PPP6R2: variants seen among roughly 807,000 people sequenced by gnomAD.
PPP6R2 encodes serine/threonine-protein phosphatase 6 regulatory subunit 2.
Under a neutral mutation model 100.2 loss-of-function variants are expected in PPP6R2, and 62 were observed. That is an observed-to-expected ratio of 0.62 (90% CI 0.50 to 0.76). The LOEUF (loss-of-function observed/expected upper bound fraction) is 0.76, where lower values mean the gene tolerates loss of function less well. PPP6R2 is among the 30% of genes least tolerant of loss of function. The pLI is 0.00. For synonymous variants in PPP6R2, 525 were observed against 514.7 expected (o/e 1.02, Z -0.27); for missense variants, 1,142 against 1,276.3 (o/e 0.89, Z 1.60).
chr22:50,406,485 A>G (rs1400617394), intron 3 of PPP6R2, among the ~76,000 whole-genome samples: 1 of 152,230 alleles, frequency 6.6e-6, no homozygotes, highest in African/African-American at 2.4e-5. Flanking sequence ...CATGAGGAGC[A>G]TAGAAGGTAT....
chr22:50,416,174 C>A lies in PPP6R2; in HGVS notation c.618+17C>A. 6.2e-7 allele frequency: 1 copy of A among 1,609,396 alleles called. No homozygotes were observed. The highest frequency in any genetic ancestry group is 1.1e-5 in the South Asian group (1 of 90,946). On this transcript the variant is annotated intron_variant, in intron 6 of 23. Coordinates refer to ENST00000612753, the MANE Select transcript of PPP6R2 (RefSeq NM_001242898.2). ...GATGAAGATGTGAGTGTGCTGCTTACCGAGCTTCGTGCATCAGTCCAGGCC... is the reference window on the plus strand; with the variant it reads ...GATGAAGATGTGAGTGTGCTGCTTAACGAGCTTCGTGCATCAGTCCAGGCC...
At chr22:50,427,646 G>A (rs555351064) in intron 10 of PPP6R2, among the ~76,000 whole-genome samples, 96 of 150,390 alleles carry the variant, frequency 6.4e-4, no homozygotes, top group African/African-American at 2.1e-3. Flanking sequence ...TTTGCCTCCC[G>A]GGTTCAAACA....
intron 2 of PPP6R2, among the ~76,000 whole-genome samples, chr22:50,387,034 C>T (rs1027747901): frequency 6.6e-6 from 1 of 152,072 alleles, no homozygotes. Flanking sequence ...GCAGCCTTTG[C>T]GAACTTTATG....
At chr22:50,404,728 G>A (rs756604966) in intron 3 of PPP6R2, among the ~76,000 whole-genome samples, 10 of 150,374 alleles carry the variant, frequency 6.7e-5, no homozygotes, top group Non-Finnish European at 1.3e-4. Context: ...GTAAGCCACC[G>A]TGCCCGTCCT....
chr22:50,397,511 T>G (rs930305852), intron 3 of PPP6R2, among the ~76,000 whole-genome samples: 1 of 151,850 alleles, frequency 6.6e-6, no homozygotes, highest in African/African-American at 2.4e-5. Context: ...GTCCAGTGAT[T>G]GCCTCTGAGG....
chr22:50,414,710 C>T (rs769442507), intron 5 of PPP6R2, 21 bp downstream of exon 5: 5 of 1,606,722 alleles, frequency 3.1e-6, no homozygotes, highest in Admixed American at 1.7e-5. Flanking sequence ...GAGTCCCCCC[C>T]CGTTCCCGAG....
chr22:50,378,813 G>C (rs1200169893), intron 2 of PPP6R2, among the ~76,000 whole-genome samples: 1 of 151,176 alleles, frequency 6.6e-6, no homozygotes, highest in Non-Finnish European at 1.5e-5. Flanking sequence ...CCAGGAGATT[G>C]AGACTGCAGT....
At chr22:50,387,441 C>A (rs1187990934) in intron 2 of PPP6R2, among the ~76,000 whole-genome samples, 1 of 152,126 alleles carries the variant, frequency 6.6e-6, no homozygotes, top group African/African-American at 2.4e-5. Context: ...GACTCTTTTT[C>A]CTGGTCTTTT....
At chr22:50,396,063 C>T (rs550794777) in intron 3 of PPP6R2, among the ~76,000 whole-genome samples, 36 of 151,072 alleles carry the variant, frequency 2.4e-4, no homozygotes, top group African/African-American at 7.3e-4. Context: ...GGCGTAGTGG[C>T]GCACGCCTGT....
intron 2 of PPP6R2, among the ~76,000 whole-genome samples, chr22:50,372,481 G>A (rs2050432662): frequency 6.6e-6 from 1 of 151,886 alleles, no homozygotes; most frequent in African/African-American, 2.4e-5. Flanking sequence ...TCCAGGAGAT[G>A]GAGGTTGCAG....
chr22:50,421,700 C>G (rs1211135940), intron 8 of PPP6R2, among the ~76,000 whole-genome samples: 1 of 152,014 alleles, frequency 6.6e-6, no homozygotes, highest in Admixed American at 6.6e-5. Context: ...CACCTGAGGT[C>G]AGGTGATCGA....
intron 2 of PPP6R2, among the ~76,000 whole-genome samples, 198 bp downstream of exon 2, chr22:50,372,348 G>T (rs543508741): frequency 7.3e-4 from 111 of 152,134 alleles, no homozygotes; most frequent in Non-Finnish European, 1.1e-3. Flanking sequence ...TCAGGAGTTC[G>T]AGACCAGCCT....
intron 2 of PPP6R2, among the ~76,000 whole-genome samples, chr22:50,372,997 T>A (rs765301789): frequency 2.0e-5 from 3 of 151,774 alleles, no homozygotes; most frequent in Non-Finnish European, 4.4e-5. Context: ...CAAAGTTTAA[T>A]TCTGACAAAA....
intron 8 of PPP6R2, among the ~76,000 whole-genome samples, 176 bp from the exon 9 acceptor site, chr22:50,422,078 T>G (rs2061413976): frequency 6.6e-6 from 1 of 152,086 alleles, no homozygotes; most frequent in South Asian, 2.1e-4. Context: ...CTTTCTCTTC[T>G]GCCTGTACCA....
chr22:50,429,699 A>G (rs970924764), intron 10 of PPP6R2, among the ~76,000 whole-genome samples: 2 of 152,224 alleles, frequency 1.3e-5, no homozygotes, highest in Middle Eastern at 3.2e-3. Flanking sequence ...AATGTTTGGT[A>G]GACCTCATCG....
the PPP6R2 span, among the ~76,000 whole-genome samples, chr22:50,332,988 C>A: frequency 6.6e-6 from 1 of 152,028 alleles, no homozygotes; most frequent in East Asian, 1.9e-4. Flanking sequence ...TATTGTTTTC[C>A]CATAAAATTG....
At chr22:50,352,203 A>C (rs1287517639) in intron 1 of PPP6R2, among the ~76,000 whole-genome samples, 1 of 152,090 alleles carries the variant, frequency 6.6e-6, no homozygotes, top group African/African-American at 2.4e-5. Flanking sequence ...GGCCTCCCAA[A>C]GTGCTGGGAT....
In PPP6R2 at chr22:50,396,781, G is replaced by A. The variant is rs191019031; in HGVS notation, c.227+2646G>A. On this transcript the variant is annotated intron_variant, in intron 3 of 23. Transcript: ENST00000612753. ...AGTACTTCATTTAGGGTGGTCAGGC[G>A]TCCTCTTAGGTAAGGGGAGCAGTGC... 9.3e-4 allele frequency among the ~76,000 whole-genome samples: 142 copies of A among 152,294 alleles called. 1 individual carries two copies. Among genetic ancestry groups the A allele is most frequent in the Non-Finnish European group, 8.4e-4 (57 of 68,026 alleles).
At chr22:50,341,941 C>G (rs1374793319), upstream of PPP6R2, among the ~76,000 whole-genome samples, 4 of 151,366 alleles carry the variant, frequency 2.6e-5, no homozygotes, top group Non-Finnish European at 5.9e-5. Flanking sequence ...TGCAGTGAGC[C>G]GAGATCGCGC....
Sources: allele counts gnomAD v4.1 joint callset (sites outside exome capture counted in the v4.1 genomes callset), GRCh38; gene constraint gnomAD v4.1.1; transcripts MANE v1.5; gene names NCBI Gene and HGNC (gene_info 2026-07-23, HGNC 2026-07-21).